PSEN1: variants seen among roughly 807,000 people sequenced by gnomAD.
The protein encoded by PSEN1 is presenilin-1.
A neutral mutation model predicts 53.5 loss-of-function variants in PSEN1; 15 were observed. That is an observed-to-expected ratio of 0.28 (90% CI 0.19 to 0.43). The LOEUF (loss-of-function observed/expected upper bound fraction) is 0.43. Among genes scored for constraint, PSEN1 ranks in the 20% least tolerant of loss-of-function variants. The probability of loss-of-function intolerance (pLI) is 1.00; values close to 1 mark genes in which losing one functional copy is unlikely to be tolerated. For synonymous variants in PSEN1, 208 were observed against 209.8 expected (o/e 0.99, Z 0.08); for missense variants, 387 against 571.2 (o/e 0.68, Z 3.29).
At chr14:73,187,692 A>T (rs1206589622) in intron 6 of PSEN1, among the ~76,000 whole-genome samples, 1 of 152,188 alleles carries the variant, frequency 6.6e-6, no homozygotes, top group African/African-American at 2.4e-5. Flanking sequence ...TAACAATAGT[A>T]CCAGGCCCCA....
chr14:73,209,657 A>G (rs1899598976), intron 9 of PSEN1, among the ~76,000 whole-genome samples: 1 of 152,250 alleles, frequency 6.6e-6, no homozygotes, highest in Non-Finnish European at 1.5e-5. Context: ...GATAGGTACT[A>G]CAAAGAAGAC....
rs1193855266 is a variant in PSEN1, at chr14:73,183,965, C to T, written c.481-2888C>T. Among the ~76,000 whole-genome samples, 13 of 141,758 alleles carry T rather than the reference C, an allele frequency of 9.2e-5. 1 individual carries two copies. In the South Asian group the frequency reaches 2.6e-3, roughly 28 times the overall value. 93.0% of individuals were successfully genotyped at this position (141,758 alleles called of 152,430 possible). On this transcript the variant is annotated intron_variant, in intron 5 of 11. Coordinates refer to ENST00000324501, the MANE Select transcript of PSEN1 (RefSeq NM_000021.4). ...CTCCCTCCCGGACGGGGCGGCTGGC[C>T]GGGCAGAGGGGCTCCTCACTTCCCA...
intron 3 of PSEN1, among the ~76,000 whole-genome samples, chr14:73,163,351 G>A (rs1164217629): frequency 6.6e-6 from 1 of 152,226 alleles, no homozygotes; most frequent in African/African-American, 2.4e-5. Context: ...GCCAAGGCAG[G>A]AGGATTGCTT....
chr14:73,147,982 T>G lies in PSEN1; in HGVS notation c.-38T>G. ...CCCTTTTCAGAACCTCAAGAGGCTT[T>G]GTTTTCTGTGAAACAGTATTTCTAT... On this transcript the variant is annotated 5_prime_UTR_variant, in exon 3 of 12. Coordinates refer to ENST00000324501, the MANE Select transcript of PSEN1 (RefSeq NM_000021.4). 1 of 1,534,028 alleles carries G rather than the reference T, an allele frequency of 6.5e-7. No individual in the cohort carries two copies. Among genetic ancestry groups the G allele is most frequent in the Non-Finnish European group, 9.0e-7 (1 of 1,107,326 alleles).
intron 10 of PSEN1, among the ~76,000 whole-genome samples, chr14:73,214,683 TAA>T (rs1899840248): frequency 6.6e-6 from 1 of 152,244 alleles, no homozygotes; most frequent in African/African-American, 2.4e-5. Context: ...TACTTTGTGC[TAA>T]GTGAAATAAG....
intron 3 of PSEN1, among the ~76,000 whole-genome samples, chr14:73,151,883 T>TAC (rs1407392844): frequency 1.8e-4 from 9 of 49,562 alleles, no homozygotes; most frequent in Admixed American, 2.9e-4. Context: ...ATATTTTATA[T>TAC]ATATATATAT....
chr14:73,195,724 T>C (rs1898913225), intron 7 of PSEN1, among the ~76,000 whole-genome samples: 1 of 152,074 alleles, frequency 6.6e-6, no homozygotes, highest in South Asian at 2.1e-4. Flanking sequence ...CCCGAGTAGA[T>C]AAGACTACAG....
intron 7 of PSEN1, chr14:73,197,827 CTG>C (rs758473349): frequency 1.2e-5 from 7 of 571,248 alleles, no homozygotes; most frequent in East Asian, 3.0e-5. Context: ...TACAGATGTT[CTG>C]TGTCATTTTA....
intron 11 of PSEN1, among the ~76,000 whole-genome samples, chr14:73,218,192 TC>T (rs550609806): frequency 1.6e-4 from 23 of 146,878 alleles, no homozygotes; most frequent in African/African-American, 5.3e-4. Flanking sequence ...GTTCAAGCGA[TC>T]CTCCTGTCTC....
chr14:73,138,207 T>C (rs887370498), intron 1 of PSEN1: 5 of 147,696 alleles, frequency 3.4e-5, no homozygotes, highest in African/African-American at 9.8e-5. Context: ...TATTTATTTA[T>C]TTATTTATTT....
intron 8 of PSEN1, among the ~76,000 whole-genome samples, chr14:73,200,187 C>T (rs1899120465): frequency 6.6e-6 from 1 of 152,100 alleles, no homozygotes; most frequent in African/African-American, 2.4e-5. Context: ...ATTATTTGAA[C>T]TTTTTTTCAT....
intron 7 of PSEN1, among the ~76,000 whole-genome samples, chr14:73,193,868 G>T (rs1898828599): frequency 6.6e-6 from 1 of 151,996 alleles, no homozygotes; most frequent in South Asian, 2.1e-4. Flanking sequence ...TATTGCCTAG[G>T]CTGGTCTTGA....
At chr14:73,156,927 G>T (rs1212466073) in intron 3 of PSEN1, among the ~76,000 whole-genome samples, 1 of 152,120 alleles carries the variant, frequency 6.6e-6, no homozygotes, top group Non-Finnish European at 1.5e-5. Flanking sequence ...CTCCCAAAGT[G>T]CTGGGATTAC....
chr14:73,166,495 A>G (rs1381149766), intron 3 of PSEN1, among the ~76,000 whole-genome samples: 1 of 152,234 alleles, frequency 6.6e-6, no homozygotes, highest in Non-Finnish European at 1.5e-5. Context: ...AATACCAAAT[A>G]CTATATAGAG....
chr14:73,184,335 TGGCC>T (rs1898371901), intron 5 of PSEN1, among the ~76,000 whole-genome samples: 1 of 97,866 alleles, frequency 1.0e-5, no homozygotes, highest in African/African-American at 4.9e-5. Flanking sequence ...ACGGGGCGGC[TGGCC>T]GGGCAGAGGC....
chr14:73,210,861 T>G (rs571344413), intron 9 of PSEN1, among the ~76,000 whole-genome samples: 2 of 152,318 alleles, frequency 1.3e-5, no homozygotes, highest in East Asian at 3.9e-4. Flanking sequence ...ATAAAAGTAC[T>G]TTGAACTTCA....
rs1566630884 is a variant in PSEN1 at position 73,173,636 on chromosome 14, G to A, written c.409G>A (p.Ala137Thr). Residue 137 changes from alanine to threonine, a missense_variant, in exon 5 of 12, where the codon GCC (alanine) becomes ACC (threonine). Coordinates refer to ENST00000324501, the MANE Select transcript of PSEN1 (RefSeq NM_000021.4). The part of the protein sequence containing the change: ...QRALHSILNA[A>T]IMISVIVVMT... ...AGCCCTGCACTCAATTCTGAATGCT[G>A]CCATCATGATCAGTGTCATTGTTGT... 11 of 1,613,742 alleles carry A rather than the reference G, an allele frequency of 6.8e-6. No individual in the cohort carries two copies. The highest frequency in any genetic ancestry group is 9.3e-6 in the Non-Finnish European group (11 of 1,179,656).
intron 3 of PSEN1, chr14:73,168,546 G>C (rs1897789503): frequency 6.6e-6 from 1 of 152,194 alleles, no homozygotes; most frequent in Non-Finnish European, 1.5e-5. Flanking sequence ...GGAGACTATG[G>C]ATGGGACGTG....
chr14:73,145,657 T>C (rs372248761), intron 1 of PSEN1, among the ~76,000 whole-genome samples: 4 of 152,350 alleles, frequency 2.6e-5, no homozygotes, highest in African/African-American at 7.2e-5. Context: ...ATTTATTGAC[T>C]ACTTCACTGA....
Sources: allele counts gnomAD v4.1 joint callset (sites outside exome capture counted in the v4.1 genomes callset), GRCh38; gene constraint gnomAD v4.1.1; transcripts MANE v1.5; gene names NCBI Gene and HGNC (gene_info 2026-07-23, HGNC 2026-07-21).